The following FAM117B variants were observed in gnomAD, a reference collection of about 807,000 sequenced individuals.
FAM117B encodes family with sequence similarity 117 member B, also known as protein FAM117B.
A neutral mutation model predicts 52.8 loss-of-function variants in FAM117B; 22 were observed. That is an observed-to-expected ratio of 0.42 (90% confidence interval 0.30 to 0.59). The LOEUF (loss-of-function observed/expected upper bound fraction) is 0.59, where lower values mean the gene tolerates loss of function less well. Among genes scored for constraint, FAM117B ranks in the 20% least tolerant of loss-of-function variants. The pLI is 0.22. For missense variants in FAM117B, 678 were observed against 802.6 expected, an observed-to-expected ratio of 0.84 and a Z score of 1.88; for synonymous variants, 309 against 324.1, an observed-to-expected ratio of 0.95 and a Z score of 0.50.
intron 2 of FAM117B, among the ~76,000 whole-genome samples, chr2:202,709,205 C>CT (rs200629877): frequency 1.2e-3 from 174 of 143,342 alleles, no homozygotes; most frequent in Middle Eastern, 3.6e-3. Flanking sequence ...GTCCTTAGAC[C>CT]TTTTTTTTTT....
At chr2:202,687,675 C>T (rs1403712331) in intron 1 of FAM117B, among the ~76,000 whole-genome samples, 1 of 152,134 alleles carries the variant, frequency 6.6e-6, no homozygotes, top group Admixed American at 6.5e-5. Context: ...CCTCCCATAG[C>T]ATTGGGATTA....
At chr2:202,682,583 C>CCGCTTCAACAGCACAGTA (rs1338057822) in intron 1 of FAM117B, among the ~76,000 whole-genome samples, 4 of 152,184 alleles carry the variant, frequency 2.6e-5, no homozygotes, top group Non-Finnish European at 5.9e-5. Flanking sequence ...GGGAAATATC[C>CCGCTTCAACAGCACAGTA]CGCTTCAACA....
At chr2:202,668,635 T>TAAATAAATAAATAAAATA (rs1690247461) in intron 1 of FAM117B, among the ~76,000 whole-genome samples, 1 of 148,580 alleles carries the variant, frequency 6.7e-6, no homozygotes, top group Non-Finnish European at 1.5e-5. Context: ...AATAAATAAA[T>TAAATAAATAAATAAAATA]AAATAAATAA....
intron 4 of FAM117B, among the ~76,000 whole-genome samples, chr2:202,726,753 G>A (rs560271937): frequency 3.9e-5 from 6 of 152,066 alleles, no homozygotes; most frequent in Non-Finnish European, 5.9e-5. Context: ...TACCTGTCTC[G>A]GGCGGGGAAC....
At chr2:202,749,911 G>C (rs1486267052) in intron 4 of FAM117B, among the ~76,000 whole-genome samples, 3 of 152,070 alleles carry the variant, frequency 2.0e-5, no homozygotes, top group Non-Finnish European at 2.9e-5. Context: ...TAAGTCTATT[G>C]AAAACTGTAG....
chr2:202,719,778 A>G (rs1022306224), intron 2 of FAM117B, among the ~76,000 whole-genome samples: 2 of 152,172 alleles, frequency 1.3e-5, no homozygotes, highest in African/African-American at 4.8e-5. Context: ...TTTACATGTC[A>G]TTTCTCTTCA....
chr2:202,680,647 A>T (rs1690449025), intron 1 of FAM117B, among the ~76,000 whole-genome samples: 1 of 152,254 alleles, frequency 6.6e-6, no homozygotes, highest in African/African-American at 2.4e-5. Flanking sequence ...AAAAAAGGGC[A>T]AATTTCTTGC....
chr2:202,734,126 A>T (rs1371966614), intron 4 of FAM117B, among the ~76,000 whole-genome samples: 1 of 152,162 alleles, frequency 6.6e-6, no homozygotes, highest in Non-Finnish European at 1.5e-5. Context: ...GGGCTGGGAA[A>T]GTTGGGGAGA....
At chr2:202,727,712 AG>A (rs1484523609) in intron 4 of FAM117B, among the ~76,000 whole-genome samples, 1 of 152,050 alleles carries the variant, frequency 6.6e-6, no homozygotes. Flanking sequence ...TGGTATTTGG[AG>A]GGGGGTCCTG....
At chr2:202,745,068 T>A (rs1691610372) in intron 4 of FAM117B, among the ~76,000 whole-genome samples, 1 of 148,440 alleles carries the variant, frequency 6.7e-6, no homozygotes, top group African/African-American at 2.5e-5. Context: ...GATCTTGTGG[T>A]CAGGAGTTTG....
Position 202,726,309 on chromosome 2 carries a change from T to A in FAM117B, c.906T>A (p.Asp302Glu). Residue 302 changes from aspartate to glutamate, a missense_variant, in exon 4 of 8, where the codon GAT (aspartate) becomes GAA (glutamate). By Grantham distance (45) the Asp-to-Glu change is conservative. Around this residue, in one of 3 missense-constraint regions of FAM117B, gnomAD observed 583 missense variants for 644.8 expected, o/e 0.90. Coordinates refer to ENST00000392238, the MANE Select transcript of FAM117B (RefSeq NM_173511.4). ...RSKHSSRHHR[D>E]KERQSPFHGN... is the part of the protein sequence containing the mutation. Reference sequence around the variant, plus strand: ...AACACAGCAGTCGGCATCATCGAGATAAAGAAAGACAGTCTCCATTTCATG... The same window carrying A: ...AACACAGCAGTCGGCATCATCGAGAAAAAGAAAGACAGTCTCCATTTCATG... 6.2e-7 allele frequency: 1 copy of A among 1,613,878 alleles called. No individual in the cohort carries two copies. Among genetic ancestry groups the A allele is most frequent in the Non-Finnish European group, 8.5e-7 (1 of 1,179,932 alleles).
chr2:202,726,630 A>G (rs936225746), intron 4 of FAM117B, among the ~76,000 whole-genome samples: 4 of 152,176 alleles, frequency 2.6e-5, no homozygotes, highest in Non-Finnish European at 4.4e-5. Flanking sequence ...TCAGTTCAAT[A>G]TTTTGGAGGC....
Position 202,635,732 on chromosome 2 carries a change from A to G in FAM117B, c.545A>G (p.Glu182Gly). 6.9e-7 allele frequency: 1 copy of G among 1,457,912 alleles called. No homozygotes were observed. The highest frequency in any genetic ancestry group is 1.3e-5 in the South Asian group (1 of 77,028). The allele number at this position is 1,457,912 out of a possible 1,614,324, so 90.3% of individuals were successfully genotyped here. A position where few individuals can be genotyped will look rare whatever the true frequency, so the allele number is the denominator to read the frequency against. The change falls in exon 1 of 8, where the codon GAG becomes GGG. Residue 182 changes from glutamate (E) to glycine (G), a missense_variant. Around this residue, in one of 3 missense-constraint regions of FAM117B, gnomAD observed 583 missense variants for 644.8 expected, o/e 0.90. Transcript: ENST00000392238. ...ARVRHRRRSP[E>G]QSRSSPEKRS... ...GTCCGGCATCGGAGGAGGTCTCCGG[A>G]GCAGAGCCGAAGCTCGCCGGAGAAG...
At chr2:202,726,757 G>A (rs1691251568) in intron 4 of FAM117B, among the ~76,000 whole-genome samples, 1 of 152,008 alleles carries the variant, frequency 6.6e-6, no homozygotes. Context: ...TGTCTCGGGC[G>A]GGGAACATCA....
rs1363906437 is a variant in FAM117B at position 202,766,557 on chromosome 2, T to C, written c.*793T>C. 1.3e-5 allele frequency: 2 copies of C among 152,630 alleles called. No homozygotes were observed. The highest frequency in any genetic ancestry group is 1.5e-5 in the Non-Finnish European group (1 of 68,034). The allele number at this position is 152,630 out of a possible 1,614,324, so 9.5% of individuals were successfully genotyped here. A position where few individuals can be genotyped will look rare whatever the true frequency, so the allele number is the denominator to read the frequency against. Reference sequence around the variant, plus strand: ...ACATTTCACCATGTGGTCAGAAAAGTTGTAGTCTGAAGACAAGTGCTTTAA... The same window carrying C: ...ACATTTCACCATGTGGTCAGAAAAGCTGTAGTCTGAAGACAAGTGCTTTAA... On this transcript the variant is annotated 3_prime_UTR_variant, in exon 8 of 8. Coordinates refer to ENST00000392238, the MANE Select transcript of FAM117B (RefSeq NM_173511.4).
In FAM117B at chr2:202,682,020, G is replaced by C. The variant is rs565239088; in HGVS notation, c.602-13861G>C. Among the ~76,000 whole-genome samples the C allele has an allele frequency of 2.0e-5, 3 of 152,346 alleles. No homozygotes were observed. In the South Asian group the frequency reaches 6.2e-4, roughly 32 times the overall value. ...AGACTATAGTTGGATGTCAGAAGCA[G>C]TTTGACTTCAAAGGGACAGCTTGAC... On this transcript the variant is annotated intron_variant, in intron 1 of 7. Coordinates refer to ENST00000392238, the MANE Select transcript of FAM117B (RefSeq NM_173511.4).
intron 1 of FAM117B, among the ~76,000 whole-genome samples, chr2:202,641,168 G>A (rs555668302): frequency 1.3e-5 from 2 of 152,376 alleles, no homozygotes; most frequent in South Asian, 4.1e-4. Flanking sequence ...CTGGCTTAGA[G>A]AGTGAATAAT....
At chr2:202,674,193 A>G (rs1198719459) in intron 1 of FAM117B, among the ~76,000 whole-genome samples, 4 of 152,222 alleles carry the variant, frequency 2.6e-5, no homozygotes, top group East Asian at 3.8e-4. Context: ...ATACTAATGT[A>G]TAAAATTGTC....
chr2:202,715,292 C>T (rs1322136420), intron 2 of FAM117B, among the ~76,000 whole-genome samples: 6 of 150,996 alleles, frequency 4.0e-5, no homozygotes, highest in Non-Finnish European at 7.4e-5. Context: ...GGCGGCTGGC[C>T]TGGCGGGGGC....
Sources: allele counts gnomAD v4.1 joint callset (sites outside exome capture counted in the v4.1 genomes callset), GRCh38; gene constraint gnomAD v4.1.1; regional missense constraint gnomAD v4.1.1; transcripts MANE v1.5; gene names NCBI Gene and HGNC (gene_info 2026-07-23, HGNC 2026-07-21).